ADCY9: variants seen among roughly 807,000 people sequenced by gnomAD.
The protein encoded by ADCY9 is adenylate cyclase type 9.
In ADCY9, 50 loss-of-function variants were observed where a neutral mutation model predicts 101.5. The observed-to-expected ratio is 0.49, with a 90% CI of 0.39 to 0.62. The LOEUF (loss-of-function observed/expected upper bound fraction) is 0.62. Ranked by LOEUF, ADCY9 falls within the 20% of genes least tolerant of loss-of-function variation. The pLI is 0.00. For synonymous variants in ADCY9, 905 were observed against 769.3 expected (o/e 1.18, Z -2.92); for missense variants, 1,662 against 1,800.4 (o/e 0.92, Z 1.39).
intron 2 of ADCY9, among the ~76,000 whole-genome samples, chr16:4,079,105 C>T (rs980571634): frequency 6.6e-6 from 1 of 152,148 alleles, no homozygotes; most frequent in Non-Finnish European, 1.5e-5. Context: ...TTAAATTATA[C>T]AATGCATCCT....
At chr16:4,042,882 C>A (rs1396979144) in intron 2 of ADCY9, among the ~76,000 whole-genome samples, 1 of 152,184 alleles carries the variant, frequency 6.6e-6, no homozygotes, top group Non-Finnish European at 1.5e-5. Context: ...ATGATTTGGG[C>A]AAGTTCCTAA....
At chr16:3,961,222 C>T (rs7190663), downstream of ADCY9, among the ~76,000 whole-genome samples, 11,489 of 152,020 alleles carry the variant, frequency 0.076, 726 homozygotes, top group East Asian at 0.22. Flanking sequence ...CTGAGGAGGA[C>T]GGATCACTTG....
chr16:4,017,827 C>G (rs1221476748), intron 2 of ADCY9, among the ~76,000 whole-genome samples: 1 of 152,122 alleles, frequency 6.6e-6, no homozygotes, highest in Admixed American at 6.5e-5. Context: ...CAAGAATCAT[C>G]CAATTTGCAG....
At chr16:3,971,733 A>G (rs2531992) in intron 10 of ADCY9, among the ~76,000 whole-genome samples, 120,809 of 151,762 alleles carry the variant, frequency 0.8, 48,608 homozygotes, top group Non-Finnish European at 0.85. Flanking sequence ...TGGTGACACC[A>G]AGAACAGTCC....
rs1436665952 is a variant in ADCY9 at position 3,979,173 on chromosome 16, C to A, written c.2622G>T (p.Ser874=). 6 of 1,614,116 alleles carry A rather than the reference C, an allele frequency of 3.7e-6. No homozygotes were observed. The highest frequency in any genetic ancestry group is 5.1e-6 in the Non-Finnish European group (6 of 1,180,016). ...GGGAGTAGACGGCCAGTGCGGGAAG[C>A]GACACCAGGATGGCCCCGATGCAGT... ...PRHCIGAILV[S]LPALAVYSHV... The change falls in exon 8 of 11, where the codon TCG becomes TCT. Residue 874 remains serine (S), a synonymous_variant. Transcript: ENST00000294016.
intron 3 of ADCY9, among the ~76,000 whole-genome samples, chr16:4,000,367 G>A (rs961932277): frequency 2.0e-5 from 3 of 152,170 alleles, no homozygotes; most frequent in African/African-American, 7.2e-5. Context: ...TGGCCCCAAC[G>A]ATCTCCAGGT....
chr16:3,979,368 C>G, intron 7 of ADCY9, 93 bp from the exon 8 acceptor site: 2 of 1,443,796 alleles, frequency 1.4e-6, no homozygotes, highest in Non-Finnish European at 1.9e-6. Flanking sequence ...GCGCCGCCCT[C>G]TGCTCTCTCC....
intron 2 of ADCY9, among the ~76,000 whole-genome samples, chr16:4,073,683 C>T (rs900921923): frequency 6.6e-6 from 1 of 152,180 alleles, no homozygotes; most frequent in African/African-American, 2.4e-5. Flanking sequence ...AGGCATGAGC[C>T]ATTGTGCCCG....
At chr16:4,053,010 C>A (rs931474631) in intron 2 of ADCY9, among the ~76,000 whole-genome samples, 2 of 152,188 alleles carry the variant, frequency 1.3e-5, no homozygotes, top group South Asian at 4.1e-4. Flanking sequence ...CCTTAAGAGA[C>A]AAACTGATTT....
chr16:4,054,876 A>G (rs1030032379), intron 2 of ADCY9, among the ~76,000 whole-genome samples: 7 of 152,154 alleles, frequency 4.6e-5, no homozygotes, highest in Non-Finnish European at 7.3e-5. Context: ...CGAAATGGAT[A>G]TTTTGAAAAT....
chr16:3,967,421 A>G (rs2056009082), intron 10 of ADCY9, among the ~76,000 whole-genome samples: 1 of 151,334 alleles, frequency 6.6e-6, no homozygotes, highest in Non-Finnish European at 1.5e-5. Context: ...TTTTAGAGAC[A>G]TGGTTGTTGT....
At chr16:4,013,822 G>A (rs1253075654) in intron 2 of ADCY9, among the ~76,000 whole-genome samples, 2 of 152,162 alleles carry the variant, frequency 1.3e-5, no homozygotes, top group Non-Finnish European at 2.9e-5. Flanking sequence ...TGCGTAAGAA[G>A]AACAAAAGTT....
At chr16:4,074,105 C>T (rs939238471) in intron 2 of ADCY9, among the ~76,000 whole-genome samples, 4 of 151,912 alleles carry the variant, frequency 2.6e-5, no homozygotes, top group African/African-American at 7.3e-5. Flanking sequence ...TTTCATCAAA[C>T]AGCATTGCTC....
At chr16:4,108,012 G>GA (rs561374351) in intron 2 of ADCY9, among the ~76,000 whole-genome samples, 8 of 152,242 alleles carry the variant, frequency 5.3e-5, no homozygotes, top group Admixed American at 1.3e-4. Context: ...TTTGGCTGGG[G>GA]AAAAAAGCTT....
At chr16:4,053,532 C>T (rs905299821) in intron 2 of ADCY9, among the ~76,000 whole-genome samples, 1 of 152,188 alleles carries the variant, frequency 6.6e-6, no homozygotes, top group Non-Finnish European at 1.5e-5. Context: ...GGGCACTTGT[C>T]GCCACAATGG....
intron 2 of ADCY9, among the ~76,000 whole-genome samples, chr16:4,079,169 T>C (rs2056886532): frequency 6.6e-6 from 1 of 152,358 alleles, no homozygotes; most frequent in Non-Finnish European, 1.5e-5. Context: ...ATACAATGAT[T>C]CAAAGCTGGA....
intron 2 of ADCY9, among the ~76,000 whole-genome samples, chr16:4,104,383 T>C (rs1435191395): frequency 1.3e-5 from 2 of 152,212 alleles, no homozygotes; most frequent in Admixed American, 6.5e-5. Context: ...TTTAATATAA[T>C]AGTGTACAAA....
At chr16:4,011,884 C>T (rs866052314) in intron 2 of ADCY9, among the ~76,000 whole-genome samples, 3 of 151,908 alleles carry the variant, frequency 2.0e-5, no homozygotes, top group Non-Finnish European at 4.4e-5. Flanking sequence ...ATCTCTAAGG[C>T]GAGGGCAGGA....
intron 2 of ADCY9, among the ~76,000 whole-genome samples, chr16:4,069,188 A>C (rs751229237): frequency 4.6e-5 from 7 of 152,228 alleles, no homozygotes; most frequent in Non-Finnish European, 1.0e-4. Context: ...CTCACCACCA[A>C]CAACTAGAAT....
Sources: allele counts gnomAD v4.1 joint callset (sites outside exome capture counted in the v4.1 genomes callset), GRCh38; gene constraint gnomAD v4.1.1; transcripts MANE v1.5; gene names NCBI Gene and HGNC (gene_info 2026-07-23, HGNC 2026-07-21).